FCN2: variants seen among roughly 807,000 people sequenced by gnomAD.
FCN2 encodes the protein ficolin 2.
Under a neutral mutation model 32.5 loss-of-function variants are expected in FCN2, and 31 were observed. The observed-to-expected ratio is 0.96, with a 90% CI of 0.72 to 1.29. The LOEUF is 1.29. FCN2 is among the 50% of genes most tolerant of loss of function. The pLI, the probability that FCN2 is intolerant of heterozygous loss-of-function variation, is 0.00. For synonymous variants in FCN2, 181 were observed against 164.5 expected (o/e 1.10, Z -0.77); for missense variants, 412 against 406.5 (o/e 1.01, Z -0.12).
chr9:134,881,045 C>T (rs1830656393), intron 1 of FCN2, 124 bp downstream of exon 1: 4 of 739,026 alleles, frequency 5.4e-6, no homozygotes, highest in Non-Finnish European at 9.7e-6. Flanking sequence ...TCTAACGAGA[C>T]AGCAGCTCTG....
the FCN2 span, among the ~76,000 whole-genome samples, chr9:134,870,478 C>A: frequency 5.9e-5 from 9 of 152,276 alleles, no homozygotes; most frequent in South Asian, 1.9e-3. The surrounding 1 kb of genome is among the most constrained non-coding windows in gnomAD (Gnocchi z 4.3). Flanking sequence ...TCAGCTGTGC[C>A]CCTCGGGGGG....
chr9:134,871,363 G>A, the FCN2 span, among the ~76,000 whole-genome samples: 15 of 152,274 alleles, frequency 9.9e-5, no homozygotes, highest in Non-Finnish European at 2.1e-4. Context: ...CCTCCTTCTC[G>A]ACAGTTGGAT....
At chr9:134,878,843 CA>C (rs953321608), upstream of FCN2, among the ~76,000 whole-genome samples, 10 of 146,934 alleles carry the variant, frequency 6.8e-5, no homozygotes, top group East Asian at 2.0e-4. Flanking sequence ...AACTCCGTCT[CA>C]AAAAAAAAAG....
chr9:134,872,996 A>G, the FCN2 span, among the ~76,000 whole-genome samples: 6 of 152,044 alleles, frequency 3.9e-5, no homozygotes, highest in African/African-American at 9.7e-5. Context: ...ACGTCTCATC[A>G]CGTTTTGTTC....
rs202233824 is a variant in FCN2 at position 134,885,923 on chromosome 9, G to A, written c.559+26G>A. ...GTAGGGCCGCTGCTGGGGCTTGGGG[G>A]TCGGGGGCCCTGAATGGGGGTGCCC... On this transcript the variant is annotated intron_variant, in intron 6 of 7. Coordinates refer to ENST00000291744, the MANE Select transcript of FCN2 (RefSeq NM_004108.3). 1,205 of 1,595,226 alleles carry A rather than the reference G, an allele frequency of 7.6e-4. 8 individuals are homozygous for A. Among genetic ancestry groups the A allele is most frequent in the Non-Finnish European group, 1.8e-4 (216 of 1,170,874 alleles).
At chr9:134,868,286 C>T in the FCN2 span, 1 of 152,664 alleles carries the variant, frequency 6.6e-6, no homozygotes. The surrounding 1 kb of genome is among the most constrained non-coding windows in gnomAD (Gnocchi z 4.3). Flanking sequence ...AAGACAACGA[C>T]CGAGATGCTG....
chr9:134,882,625 C>T lies in FCN2; in HGVS notation c.200C>T (p.Thr67Ile), dbSNP rs777333830. Residue 67 changes from threonine (T) to isoleucine (I), a missense_variant, in exon 2 of 8, where the codon ACC becomes ATC. Transcript: ENST00000291744. The part of the protein sequence containing the change: ...GAPGPKGEAG[T>I]NGKRGERGPP... ...CCTGGGCCCAAGGGAGAGGCAGGCA[C>T]CAATGGAAAGAGAGGTAGGTGCAGG... 2 of 1,612,572 alleles carry T rather than the reference C, an allele frequency of 1.2e-6. No individual in the cohort carries two copies. Among genetic ancestry groups the T allele is most frequent in the East Asian group, 2.2e-5 (1 of 44,854 alleles).
the FCN2 span, among the ~76,000 whole-genome samples, chr9:134,871,699 G>A: frequency 6.6e-6 from 1 of 152,202 alleles, no homozygotes; most frequent in Non-Finnish European, 1.5e-5. Context: ...ATGGGCAGGA[G>A]TCCTGGCTGC....
chr9:134,880,925 A>G lies in FCN2; in HGVS notation c.100+4A>G. 1.9e-6 allele frequency: 3 copies of G among 1,599,596 alleles called. No homozygotes were observed. The highest frequency in any genetic ancestry group is 1.3e-5 in the African/African-American group (1 of 74,750). On this transcript the variant is annotated splice_donor_region_variant and intron_variant, in intron 1 of 7. Transcript: ENST00000291744. ...CAGGCGGCAGACACCTGTCCAGGTA[A>G]GGGCACTCCAGGGCCTCCTCCTGGA...
rs781480634 is a variant in FCN2, at chr9:134,883,283, G to T, written c.215-19G>T. The T allele has an allele frequency of 3.7e-6, 6 of 1,607,038 alleles. No individual in the cohort carries two copies. In the African/African-American group the frequency reaches 8.0e-5, roughly 21 times the overall value. On this transcript the variant is annotated intron_variant, in intron 2 of 7. Transcript: ENST00000291744. Reference sequence around the variant, plus strand: ...GGGCTGGGCAGTTTTCCTCAAGTCAGTGTCTTTGGAAATTGCAGGAGAACG... The same window carrying T: ...GGGCTGGGCAGTTTTCCTCAAGTCATTGTCTTTGGAAATTGCAGGAGAACG...
chr9:134,883,442 C>G, intron 3 of FCN2, 87 bp downstream of exon 3: 1 of 1,218,362 alleles, frequency 8.2e-7, no homozygotes, highest in East Asian at 2.3e-5. Flanking sequence ...TCTGGGGCTG[C>G]CACGCTGTCC....
At chr9:134,875,866 C>A (rs1019297812), upstream of FCN2, among the ~76,000 whole-genome samples, 3 of 152,138 alleles carry the variant, frequency 2.0e-5, no homozygotes, top group Non-Finnish European at 2.9e-5. Context: ...TGCATGGACT[C>A]CTGACCCACA....
chr9:134,871,735 C>T, the FCN2 span, among the ~76,000 whole-genome samples: 35 of 152,286 alleles, frequency 2.3e-4, no homozygotes, highest in African/African-American at 6.3e-4. Context: ...AAAGAGCCAT[C>T]GGAAAGCTTA....
upstream of FCN2, among the ~76,000 whole-genome samples, chr9:134,876,833 C>A (rs1422065624): frequency 6.6e-6 from 1 of 152,236 alleles, no homozygotes; most frequent in Non-Finnish European, 1.5e-5. Context: ...CCTCGACCTC[C>A]CAAAGTGCTG....
At chr9:134,870,251 G>A in the FCN2 span, among the ~76,000 whole-genome samples, 3 of 152,196 alleles carry the variant, frequency 2.0e-5, no homozygotes, top group Non-Finnish European at 1.5e-5. This position sits in a 1 kb window ranked among gnomAD's most constrained non-coding sequence, Gnocchi z 4.3. Context: ...GCCCCCCGAG[G>A]CAGCAGGTCT....
chr9:134,871,908 C>T, the FCN2 span, among the ~76,000 whole-genome samples: 8 of 152,210 alleles, frequency 5.3e-5, no homozygotes, highest in African/African-American at 1.7e-4. Flanking sequence ...CTGTCACCCC[C>T]AGAAGCTTCC....
chr9:134,873,256 C>T, the FCN2 span, among the ~76,000 whole-genome samples: 26 of 152,090 alleles, frequency 1.7e-4, no homozygotes, highest in Admixed American at 1.7e-3. Context: ...TAGAGGCTTA[C>T]AATCACACAA....
At chr9:134,867,417 A>G in the FCN2 span, among the ~76,000 whole-genome samples, 2 of 147,314 alleles carry the variant, frequency 1.4e-5, no homozygotes, top group South Asian at 2.2e-4. Context: ...GCATATTCTC[A>G]CTCATAGGTG....
the FCN2 span, among the ~76,000 whole-genome samples, chr9:134,865,082 C>T: frequency 1.3e-5 from 2 of 152,242 alleles, no homozygotes; most frequent in African/African-American, 2.4e-5. Flanking sequence ...GGAAGACCAC[C>T]CAGCTGGACG....
Sources: allele counts gnomAD v4.1 joint callset (sites outside exome capture counted in the v4.1 genomes callset), GRCh38; gene constraint gnomAD v4.1.1; non-coding constraint Gnocchi (gnomAD v3.1); transcripts MANE v1.5; gene names NCBI Gene and HGNC (gene_info 2026-07-23, HGNC 2026-07-21).